Variants in BAZ1A observed in about 807,000 individuals in gnomAD.
BAZ1A encodes the protein bromodomain adjacent to zinc finger domain protein 1A.
In BAZ1A, 50 loss-of-function variants were observed where a neutral mutation model predicts 185.2. The observed-to-expected ratio is 0.27, with a 90% confidence interval of 0.22 to 0.34. The LOEUF (loss-of-function observed/expected upper bound fraction) is 0.34. BAZ1A is among the 10% of genes least tolerant of loss of function. BAZ1A has a pLI of 1.00. For missense variants in BAZ1A, 1,356 were observed against 1,839.9 expected (o/e 0.74, Z 4.81); for synonymous variants, 571 against 615.6 (o/e 0.93, Z 1.07).
intron 4 of BAZ1A, among the ~76,000 whole-genome samples, chr14:34,811,261 C>T (rs1409257768): frequency 6.6e-6 from 1 of 152,090 alleles, no homozygotes; most frequent in Non-Finnish European, 1.5e-5. Flanking sequence ...TCTCCTGCCT[C>T]AACCTCTTAA....
rs77690078 is a variant in BAZ1A, at chr14:34,832,409, G to A, written c.393-6253C>T. Among the ~76,000 whole-genome samples the A allele has an allele frequency of 2.2e-3, 328 of 147,992 alleles. 1 individual carries two copies. Among genetic ancestry groups the A allele is most frequent in the African/African-American group, 7.5e-3 (303 of 40,322 alleles). ...AGGCCAGAATTACCCTGATACCCAGGCAGACAAAGAGATGGCAGAATATAT... is the reference window on the plus strand; with the variant it reads ...AGGCCAGAATTACCCTGATACCCAGACAGACAAAGAGATGGCAGAATATAT... On this transcript the variant is annotated intron_variant, in intron 3 of 26. Transcript: ENST00000360310.
At chr14:34,797,161 T>C (rs1483003249) in intron 9 of BAZ1A, among the ~76,000 whole-genome samples, 2 of 152,226 alleles carry the variant, frequency 1.3e-5, no homozygotes, top group African/African-American at 4.8e-5. Flanking sequence ...CATGAAAGAA[T>C]GTTTATGATC....
intron 3 of BAZ1A, among the ~76,000 whole-genome samples, chr14:34,839,974 C>A (rs1259067331): frequency 6.6e-6 from 1 of 151,694 alleles, no homozygotes; most frequent in Non-Finnish European, 1.5e-5. Context: ...TAGGCAAATT[C>A]TATAAAACTG....
chr14:34,771,780 A>G (rs1879237749), intron 20 of BAZ1A, 121 bp from the exon 21 acceptor site: 1 of 845,102 alleles, frequency 1.2e-6, no homozygotes, highest in South Asian at 2.0e-5. Context: ...CTCAATCTCA[A>G]GGAGTTGCAG....
At chr14:34,759,909 A>G (rs1275767628) in intron 24 of BAZ1A, among the ~76,000 whole-genome samples, 1 of 151,872 alleles carries the variant, frequency 6.6e-6, no homozygotes, top group Non-Finnish European at 1.5e-5. Context: ...TCCTCACCTC[A>G]AGTGATCCAC....
At chr14:34,767,342 G>A (rs36075467) in intron 21 of BAZ1A, among the ~76,000 whole-genome samples, 148 of 152,230 alleles carry the variant, frequency 9.7e-4, no homozygotes, top group Non-Finnish European at 1.9e-3. Context: ...ATGAGGCCAC[G>A]AGTTTGAGAC....
chr14:34,835,732 C>T (rs865873015), intron 3 of BAZ1A, among the ~76,000 whole-genome samples: 4 of 149,466 alleles, frequency 2.7e-5, no homozygotes, highest in Non-Finnish European at 3.0e-5. Flanking sequence ...AGTGCAATGG[C>T]GTGATCTCGG....
rs746536251 is a variant in BAZ1A, at chr14:34,753,704, G to C, written c.4475C>G (p.Ser1492Cys). Reference protein sequence around the residue: ...KVNKCEYKLASEFIDDIELMF... With the variant: ...KVNKCEYKLACEFIDDIELMF... Reference sequence around the variant, plus strand: ...TAACTCAATGTCATCAATAAACTCAGCTAGAAAGGGAAAGAGACAAAAAGA... The same window carrying C: ...TAACTCAATGTCATCAATAAACTCACCTAGAAAGGGAAAGAGACAAAAAGA... Residue 1492 changes from serine to cysteine, a missense_variant and splice_region_variant, in exon 27 of 27, where the codon TCT (serine) becomes TGT (cysteine). Around this residue, in one of 7 missense-constraint regions of BAZ1A, gnomAD observed 61 missense variants for 117.9 expected, o/e 0.52. Transcript: ENST00000360310. The C allele has an allele frequency of 6.4e-7, 1 of 1,559,858 alleles. No individual in the cohort carries two copies. Among genetic ancestry groups the C allele is most frequent in the East Asian group, 2.3e-5 (1 of 43,706 alleles).
At chr14:34,787,891 C>G (rs1225296649) in intron 12 of BAZ1A, among the ~76,000 whole-genome samples, 9 of 152,074 alleles carry the variant, frequency 5.9e-5, no homozygotes, top group Admixed American at 4.6e-4. Flanking sequence ...TATGAAAAAC[C>G]CTTCTGTTAT....
chr14:34,866,502 A>AAAGAAAG lies in BAZ1A; in HGVS notation c.114-4181_114-4180insCTTTCTT. On this transcript the variant is annotated intron_variant, in intron 2 of 26. Coordinates refer to ENST00000360310, the MANE Select transcript of BAZ1A (RefSeq NM_013448.3). ...AACAATATCTCAAAAAAAAAAAAAA[A>AAAGAAAG]GAAAAAAGTTCTAACTTTTTCCTAT... Among the ~76,000 whole-genome samples, 19 of 79,538 alleles carry AAAGAAAG rather than the reference A, an allele frequency of 2.4e-4. 1 individual carries two copies. Among genetic ancestry groups the AAAGAAAG allele is most frequent in the East Asian group, 5.4e-4 (2 of 3,710 alleles). 52.2% of individuals were successfully genotyped at this position (79,538 alleles called of 152,430 possible).
chr14:34,825,136 G>A (rs1451373064), intron 4 of BAZ1A, among the ~76,000 whole-genome samples: 1 of 151,872 alleles, frequency 6.6e-6, no homozygotes, highest in Admixed American at 6.6e-5. Context: ...GACTGTTAAA[G>A]TACAGAATGG....
rs529375490 is a variant in BAZ1A, at chr14:34,788,345, C to T, written c.1511-2124G>A. On this transcript the variant is annotated intron_variant, in intron 12 of 26. Transcript: ENST00000360310. ...TTGAGACAGGGTTTGAATCTGTTGCCCAGGCTGGAGTGCAGTGCTGCAATC... is the reference window on the plus strand; with the variant it reads ...TTGAGACAGGGTTTGAATCTGTTGCTCAGGCTGGAGTGCAGTGCTGCAATC... Among the ~76,000 whole-genome samples, 14 of 152,178 alleles carry T rather than the reference C, an allele frequency of 9.2e-5. No individual in the cohort carries two copies. The South Asian group carries it at 1.0e-3, about 11-fold the overall frequency.
Position 34,875,139 on chromosome 14 carries a change from T to C in BAZ1A, c.-60A>G. ...GGCCGGCTCCCGAGCGACCCTCACC[T>C]GCGATCACGCCGACTGCCACTTGTC... is the stretch of plus-strand genomic sequence containing the variant. On this transcript the variant is annotated splice_region_variant and 5_prime_UTR_variant, in exon 1 of 27. Coordinates refer to ENST00000360310, the MANE Select transcript of BAZ1A (RefSeq NM_013448.3). The C allele has an allele frequency of 5.0e-6, 2 of 401,268 alleles. No individual in the cohort carries two copies. The highest frequency in any genetic ancestry group is 3.5e-5 in the South Asian group (2 of 56,852). The allele number at this position is 401,268 out of a possible 1,614,324, so 24.9% of individuals were successfully genotyped here.
chr14:34,783,157 TTC>T lies in BAZ1A; in HGVS notation c.2071_2072del (p.Glu691ArgfsTer2). 6.2e-7 allele frequency: 1 copy of T among 1,607,460 alleles called. No homozygotes were observed. The highest frequency in any genetic ancestry group is 8.5e-7 in the Non-Finnish European group (1 of 1,175,828). The part of the protein sequence containing the change: ...KMKEKQEKLK[E>X]DEQRNSTADI... Reference sequence around the variant, plus strand: ...CTGCCGTTGAATTTCTTTGCTCATCTTCTTTCAGTTTTTCTTGTTTCTCTTTC... The same window carrying T: ...CTGCCGTTGAATTTCTTTGCTCATCTTTTCAGTTTTTCTTGTTTCTCTTTC... On this transcript the variant is annotated frameshift_variant, in exon 16 of 27. Coordinates refer to ENST00000360310, the MANE Select transcript of BAZ1A (RefSeq NM_013448.3). LOFTEE classifies it high-confidence loss of function.
At chr14:34,794,046 C>T (rs1397597125) in intron 11 of BAZ1A, among the ~76,000 whole-genome samples, 16 of 151,574 alleles carry the variant, frequency 1.1e-4, no homozygotes, top group Non-Finnish European at 1.9e-4. Flanking sequence ...GCAGGAGAAT[C>T]GCTTGAACCC....
chr14:34,757,365 CAAA>C (rs760606242), intron 25 of BAZ1A, among the ~76,000 whole-genome samples: 47 of 108,792 alleles, frequency 4.3e-4, no homozygotes, highest in Non-Finnish European at 4.0e-4. Flanking sequence ...GACTCCATCT[CAAA>C]AAAAAAAAAA....
rs546721532 is a variant in BAZ1A, at chr14:34,802,854, T to A, written c.861A>T (p.Gln287His). The stretch of plus-strand genomic sequence containing the variant: ...TAGTTTTAATCAATTCTGTACTTAC[T>A]TGACTAATATGTATTCGTTTGGGAG... ...GRPPKRIHIS[Q>H]EDNVANKQTL... is the part of the protein sequence containing the mutation. The change falls in exon 7 of 27, where the codon CAA becomes CAT. Residue 287 changes from glutamine (Q) to histidine (H), a missense_variant and splice_region_variant. Physicochemically the swap from Gln to His is conservative, Grantham distance 24 (BLOSUM62 0). This residue lies in a region of BAZ1A where 332 missense variants were observed against 395.3 expected (regional missense o/e 0.84). Coordinates refer to ENST00000360310, the MANE Select transcript of BAZ1A (RefSeq NM_013448.3). The A allele has an allele frequency of 7.4e-6, 12 of 1,612,150 alleles. No homozygotes were observed. In the East Asian group the frequency reaches 1.6e-4, roughly 21 times the overall value.
intron 2 of BAZ1A, among the ~76,000 whole-genome samples, chr14:34,869,207 AAAAT>A (rs949478628): frequency 2.4e-4 from 36 of 151,964 alleles, no homozygotes; most frequent in Admixed American, 9.9e-4. Context: ...ACTCCGTCTC[AAAAT>A]AAATAAATAA....
At chr14:34,769,041 G>A (rs907435111) in intron 21 of BAZ1A, among the ~76,000 whole-genome samples, 1 of 152,064 alleles carries the variant, frequency 6.6e-6, no homozygotes, top group Non-Finnish European at 1.5e-5. Context: ...GCTTCCTCAA[G>A]AAACTGAAAT....
Sources: gnomAD v4.1 joint callset for allele counts (sites outside exome capture counted in the v4.1 genomes callset) on GRCh38, gnomAD v4.1.1 for gene constraint, gnomAD v4.1.1 regional missense constraint, MANE v1.5 for transcripts, NCBI Gene and HGNC (gene_info 2026-07-23, HGNC 2026-07-21) for gene names.